GRK3: variants seen among roughly 807,000 people sequenced by gnomAD.
The protein encoded by GRK3 is adrenergic, beta, receptor kinase 2.
A neutral mutation model predicts 95.7 loss-of-function variants in GRK3; 54 were observed. That is an observed-to-expected ratio of 0.56 (90% CI 0.45 to 0.71). GRK3 has a LOEUF of 0.71. Among genes scored for constraint, GRK3 ranks in the 30% least tolerant of loss-of-function variants. The pLI, the probability that GRK3 is intolerant of heterozygous loss-of-function variation, is 0.00. For synonymous variants in GRK3, 281 were observed against 290.8 expected (o/e 0.97, Z 0.34); for missense variants, 649 against 851.2 (o/e 0.76, Z 2.96).
chr22:25,670,346 A>G (rs2084970927), intron 6 of GRK3, among the ~76,000 whole-genome samples: 1 of 152,100 alleles, frequency 6.6e-6, no homozygotes, highest in South Asian at 2.1e-4. Flanking sequence ...TAAAAATTAA[A>G]AACTAATAGC....
intron 3 of GRK3, among the ~76,000 whole-genome samples, chr22:25,649,803 G>A (rs1374723551): frequency 1.3e-5 from 2 of 152,056 alleles, no homozygotes; most frequent in Admixed American, 1.3e-4. Flanking sequence ...ATATAAACAG[G>A]ATCTCAAACT....
In GRK3 at chr22:25,690,221, C is replaced by A; in HGVS notation, c.990C>A (p.His330Gln). 1 of 1,614,020 alleles carries A rather than the reference C, an allele frequency of 6.2e-7. No homozygotes were observed. Among genetic ancestry groups the A allele is most frequent in the South Asian group, 1.1e-5 (1 of 91,080 alleles). ...ATATTCTCTTGGATGAACATGGACA[C>A]GCAAGAATATCAGATCTTGGTCTTG... is the stretch of plus-strand genomic sequence containing the variant. ...PANILLDEHG[H>Q]ARISDLGLAC... The change falls in exon 12 of 21, where the codon CAC becomes CAA. Residue 330 changes from histidine to glutamine, a missense_variant. Physicochemically the swap from His to Gln is conservative, Grantham distance 24 (BLOSUM62 0). This residue lies in a region of GRK3 where 382 missense variants were observed against 493.8 expected (regional missense o/e 0.77). Coordinates refer to ENST00000324198, the MANE Select transcript of GRK3 (RefSeq NM_005160.4).
At chr22:25,677,392 AAAAAAAAAAGAAAAGG>A (rs2085039206) in intron 8 of GRK3, among the ~76,000 whole-genome samples, 2 of 150,690 alleles carry the variant, frequency 1.3e-5, no homozygotes, top group African/African-American at 2.4e-5. Context: ...AAAAAAAAAA[AAAAAAAAAAGAAAAGG>A]AAAAAAAAAG....
chr22:25,672,609 A>T (rs2084991937), intron 7 of GRK3, among the ~76,000 whole-genome samples: 2 of 152,226 alleles, frequency 1.3e-5, no homozygotes, highest in South Asian at 4.1e-4. Context: ...CTTTAACAAA[A>T]ATAGTAGTAA....
chr22:25,728,725 T>C lies in GRK3; in HGVS notation c.*6275T>C, dbSNP rs1361396273. On this transcript the variant is annotated 3_prime_UTR_variant, in exon 21 of 21. Transcript: ENST00000324198. ...GAGTGTGACTTTTTCCCCCCTTCAC[T>C]ATTTCAAAATGGTTTTGAAATGGGG... 1 of 152,214 alleles carries C rather than the reference T, an allele frequency of 6.6e-6. No homozygotes were observed. Among genetic ancestry groups the C allele is most frequent in the African/African-American group, 2.4e-5 (1 of 41,452 alleles). 9.4% of individuals were successfully genotyped at this position (152,214 alleles called of 1,614,324 possible). A position where few individuals can be genotyped will look rare whatever the true frequency, so the allele number is the denominator to read the frequency against.
At position 25,604,373 on chromosome 22, in the gene GRK3, C is replaced by A. The variant is rs757570610; in HGVS notation, c.114-4C>A. On this transcript the variant is annotated splice_polypyrimidine_tract_variant and splice_region_variant and intron_variant, in intron 1 of 20. Transcript: ENST00000324198. The stretch of plus-strand genomic sequence containing the variant: ...GTTAAAAATGTGTCACTCTTCCCTT[C>A]CAGTATCCGGAGTGTGATGCAGAAG... The A allele has an allele frequency of 6.2e-7, 1 of 1,606,372 alleles. No individual in the cohort carries two copies. Among genetic ancestry groups the A allele is most frequent in the East Asian group, 2.2e-5 (1 of 44,642 alleles).
At chr22:25,665,859 G>A (rs2084938252) in intron 5 of GRK3, among the ~76,000 whole-genome samples, 1 of 152,182 alleles carries the variant, frequency 6.6e-6, no homozygotes, top group South Asian at 2.1e-4. Flanking sequence ...TTTGTTGTAA[G>A]ATTGCCTTTA....
chr22:25,581,401 A>G (rs962725594), intron 1 of GRK3: 1 of 152,214 alleles, frequency 6.6e-6, no homozygotes, highest in African/African-American at 2.4e-5. Flanking sequence ...TATAATTTCT[A>G]TGACAGCATC....
chr22:25,692,815 C>A (rs796295522), intron 12 of GRK3, among the ~76,000 whole-genome samples: 6 of 152,350 alleles, frequency 3.9e-5, no homozygotes, highest in African/African-American at 1.2e-4. Flanking sequence ...AGCCTGTACT[C>A]TTTACGCTGT....
intron 3 of GRK3, among the ~76,000 whole-genome samples, chr22:25,653,782 G>A (rs1171124657): frequency 6.6e-6 from 1 of 151,984 alleles, no homozygotes; most frequent in Non-Finnish European, 1.5e-5. Flanking sequence ...CCTGTCTCCC[G>A]GGTTCAACCA....
chr22:25,694,914 C>T (rs1248270443), intron 12 of GRK3, among the ~76,000 whole-genome samples, 193 bp from the exon 13 acceptor site: 1 of 152,218 alleles, frequency 6.6e-6, no homozygotes, highest in Admixed American at 6.5e-5. Flanking sequence ...TTAATTCATA[C>T]ATGAGTGAAG....
chr22:25,709,811 T>G lies in GRK3; in HGVS notation c.1329-87T>G. The G allele has an allele frequency of 4.3e-6, 4 of 935,456 alleles. No individual in the cohort carries two copies. The South Asian group carries it at 5.7e-5, about 13-fold the overall frequency. 57.9% of individuals were successfully genotyped at this position (935,456 alleles called of 1,614,324 possible). A position where few individuals can be genotyped will look rare whatever the true frequency, so the allele number is the denominator to read the frequency against. On this transcript the variant is annotated intron_variant, in intron 15 of 20. Coordinates refer to ENST00000324198, the MANE Select transcript of GRK3 (RefSeq NM_005160.4). ...GAAAAAGTGGAAATACTTGCTCCCC[T>G]GTATTGTTAACAGGAGACAGTTTTG...
chr22:25,665,463 A>C (rs1331208542), intron 5 of GRK3, among the ~76,000 whole-genome samples: 2 of 152,204 alleles, frequency 1.3e-5, no homozygotes, highest in Admixed American at 1.3e-4. Context: ...TCCAGTTGAG[A>C]TACAAAGACC....
intron 5 of GRK3, among the ~76,000 whole-genome samples, chr22:25,667,061 C>T (rs1569185652): frequency 6.6e-6 from 1 of 152,088 alleles, no homozygotes; most frequent in Admixed American, 6.5e-5. Flanking sequence ...TCGCCTTAAC[C>T]CCAGTTTAGC....
intron 12 of GRK3, among the ~76,000 whole-genome samples, chr22:25,692,327 C>A (rs907640534): frequency 7.9e-5 from 12 of 152,130 alleles, no homozygotes; most frequent in African/African-American, 2.9e-4. Flanking sequence ...GGCTCTGGAG[C>A]CAACAGATCT....
chr22:25,578,723 G>A (rs1209888583), intron 1 of GRK3, among the ~76,000 whole-genome samples: 1 of 152,122 alleles, frequency 6.6e-6, no homozygotes, highest in African/African-American at 2.4e-5. Context: ...GCAGCCTGTA[G>A]AATCTGGAAA....
Position 25,728,483 on chromosome 22 carries a change from C to G in GRK3, c.*6033C>G, listed in dbSNP as rs554722955. 7 of 152,340 alleles carry G rather than the reference C, an allele frequency of 4.6e-5. No homozygotes were observed. Among genetic ancestry groups the G allele is most frequent in the African/African-American group, 1.7e-4 (7 of 41,572 alleles). The allele number at this position is 152,340 out of a possible 1,614,324, so 9.4% of individuals were successfully genotyped here. ...CCCTGTGTGTGGGGCAGGTAGCTAT[C>G]CCTCCCATGTCATTAGTAATCCTTT... is the stretch of plus-strand genomic sequence containing the variant. On this transcript the variant is annotated 3_prime_UTR_variant, in exon 21 of 21. Coordinates refer to ENST00000324198, the MANE Select transcript of GRK3 (RefSeq NM_005160.4).
chr22:25,689,856 G>C (rs1320815638), intron 11 of GRK3, among the ~76,000 whole-genome samples: 1 of 152,140 alleles, frequency 6.6e-6, no homozygotes, highest in Non-Finnish European at 1.5e-5. Flanking sequence ...GCATGCTGTT[G>C]TGGCTGCGCA....
At chr22:25,668,973 A>G (rs738343) in intron 6 of GRK3, among the ~76,000 whole-genome samples, 10,560 of 152,220 alleles carry the variant, frequency 0.069, 372 homozygotes, top group Middle Eastern at 0.15. Flanking sequence ...AATGCAAACG[A>G]TGCCGTTTGC....
Sources: gnomAD v4.1 joint callset for allele counts (sites outside exome capture counted in the v4.1 genomes callset) on GRCh38, gnomAD v4.1.1 for gene constraint, gnomAD v4.1.1 regional missense constraint, MANE v1.5 for transcripts, NCBI Gene and HGNC (gene_info 2026-07-23, HGNC 2026-07-21) for gene names.